The following WWOX variants were observed in gnomAD, a reference collection of about 807,000 sequenced individuals.
WWOX encodes WW domain-containing oxidoreductase.
In WWOX, 69 loss-of-function variants were observed where a neutral mutation model predicts 46.2. That is an observed-to-expected ratio of 1.49 (90% CI 1.23 to 1.82). The LOEUF is 1.82. Among genes scored for constraint, WWOX ranks in the 40% most tolerant of loss-of-function variants. The pLI is 0.00. For synonymous variants in WWOX, 359 were observed against 202.6 expected (o/e 1.77, Z -6.56); for missense variants, 919 against 542.6 (o/e 1.69, Z -6.89).
At chr16:78,156,797 G>T (rs1238732049) in intron 4 of WWOX, among the ~76,000 whole-genome samples, 2 of 152,154 alleles carry the variant, frequency 1.3e-5, no homozygotes, top group Non-Finnish European at 2.9e-5. Context: ...GGTGGCACGC[G>T]CCTGTAATCC....
At chr16:78,492,698 AT>A (rs1450449354) in intron 8 of WWOX, among the ~76,000 whole-genome samples, 3 of 152,196 alleles carry the variant, frequency 2.0e-5, no homozygotes, top group African/African-American at 7.2e-5. Flanking sequence ...TGTGCTCTGG[AT>A]AATTCTCAAT....
At chr16:78,536,985 C>T (rs549245859) in intron 8 of WWOX, among the ~76,000 whole-genome samples, 44 of 148,262 alleles carry the variant, frequency 3.0e-4, no homozygotes, top group Non-Finnish European at 5.9e-4. Flanking sequence ...GGCACAATCT[C>T]AACTGACTGC....
At chr16:79,091,657 C>G (rs1364984194) in intron 8 of WWOX, among the ~76,000 whole-genome samples, 4 of 152,246 alleles carry the variant, frequency 2.6e-5, no homozygotes, top group East Asian at 3.9e-4. Context: ...CTCCTACTGA[C>G]TCAAGGATAT....
chr16:78,138,291 GATTAAGA>G (rs2033869942), intron 4 of WWOX, among the ~76,000 whole-genome samples: 5 of 150,896 alleles, frequency 3.3e-5, no homozygotes, highest in African/African-American at 4.9e-5. Context: ...TTATTTCTCA[GATTAAGA>G]GCCATGCTAT....
intron 8 of WWOX, among the ~76,000 whole-genome samples, chr16:79,176,208 C>A (rs547531580): frequency 2.6e-4 from 39 of 152,314 alleles, no homozygotes; most frequent in African/African-American, 8.9e-4. Flanking sequence ...ATTTCTAACA[C>A]AGAAAGCAAC....
intron 8 of WWOX, among the ~76,000 whole-genome samples, chr16:78,532,799 G>A (rs192289813): frequency 6.6e-6 from 1 of 152,236 alleles, no homozygotes; most frequent in Admixed American, 6.5e-5. Flanking sequence ...GGAAAGACCT[G>A]CCTCCATGAT....
intron 8 of WWOX, among the ~76,000 whole-genome samples, chr16:78,452,475 C>CTTTTTTTTTTTTTTTT (rs397945707): frequency 7.9e-6 from 1 of 126,076 alleles, no homozygotes; most frequent in African/African-American, 3.1e-5. Flanking sequence ...CTCTCTCTCT[C>CTTTTTTTTTTTTTTTT]TTTTTTTTTT....
chr16:78,115,638 T>A (rs546356331), intron 4 of WWOX, among the ~76,000 whole-genome samples: 73 of 152,282 alleles, frequency 4.8e-4, no homozygotes, highest in Non-Finnish European at 9.4e-4. Context: ...GGAGAATGAG[T>A]TCCTGTCTTC....
chr16:78,328,336 C>T (rs1447851079), intron 5 of WWOX, among the ~76,000 whole-genome samples: 2 of 152,090 alleles, frequency 1.3e-5, no homozygotes, highest in Non-Finnish European at 2.9e-5. Context: ...ATGTTAACAC[C>T]TCACTAGGGA....
intron 8 of WWOX, among the ~76,000 whole-genome samples, chr16:79,059,614 C>T (rs1458502766): frequency 6.6e-6 from 1 of 152,216 alleles, no homozygotes; most frequent in East Asian, 1.9e-4. Context: ...CCTCAGCCTG[C>T]CTCCCAAGTA....
chr16:78,864,283 T>G (rs1206612539), intron 8 of WWOX, among the ~76,000 whole-genome samples: 1 of 151,974 alleles, frequency 6.6e-6, no homozygotes, highest in African/African-American at 2.4e-5. Context: ...TTTTTTTTTT[T>G]TGAGAGAGAA....
intron 8 of WWOX, among the ~76,000 whole-genome samples, chr16:78,775,592 C>A (rs761657992): frequency 4.6e-5 from 7 of 152,106 alleles, no homozygotes; most frequent in Non-Finnish European, 8.8e-5. Flanking sequence ...GTGTTTCACT[C>A]CCCCACCTCT....
At chr16:78,572,844 T>C (rs921271057) in intron 8 of WWOX, among the ~76,000 whole-genome samples, 2 of 152,044 alleles carry the variant, frequency 1.3e-5, no homozygotes, top group African/African-American at 2.4e-5. Flanking sequence ...AGGGGAGGTA[T>C]TGGAAAGTTC....
chr16:78,258,338 C>G (rs2038184703), intron 5 of WWOX, among the ~76,000 whole-genome samples: 1 of 152,282 alleles, frequency 6.6e-6, no homozygotes, highest in South Asian at 2.1e-4. Flanking sequence ...AGGCTATATA[C>G]ACTGAATGTA....
rs140640017 is a variant in WWOX, at chr16:78,800,551, G to A, written c.1056+367799G>A. Reference sequence around the variant, plus strand: ...ATATGGTCATAATTAGCCTGCAAACGTGAATTAATATGCAGAATCTGTCCC... The same window carrying A: ...ATATGGTCATAATTAGCCTGCAAACATGAATTAATATGCAGAATCTGTCCC... On this transcript the variant is annotated intron_variant, in intron 8 of 8. Transcript: ENST00000566780. 5.3e-5 allele frequency among the ~76,000 whole-genome samples: 8 copies of A among 152,268 alleles called. No individual in the cohort carries two copies. The East Asian group carries it at 9.7e-4, about 18-fold the overall frequency.
At chr16:78,351,696 G>T (rs893754771) in intron 5 of WWOX, among the ~76,000 whole-genome samples, 1 of 152,100 alleles carries the variant, frequency 6.6e-6, no homozygotes, top group Admixed American at 6.6e-5. Context: ...TCGGTCTCTT[G>T]CCCAGGCTGG....
At chr16:78,717,353 T>A (rs999183504) in intron 8 of WWOX, among the ~76,000 whole-genome samples, 4 of 152,218 alleles carry the variant, frequency 2.6e-5, no homozygotes, top group Non-Finnish European at 5.9e-5. Context: ...GTAATTGAAA[T>A]AATGTAATAC....
intron 8 of WWOX, among the ~76,000 whole-genome samples, chr16:78,908,540 G>GA: frequency 4.5e-5 from 1 of 22,436 alleles, no homozygotes; most frequent in Non-Finnish European, 3.2e-4. Flanking sequence ...ACTCTGTCTC[G>GA]GAAAAAAAAA....
chr16:78,996,167 A>C (rs138517083), intron 8 of WWOX: 177 of 973,498 alleles, frequency 1.8e-4, no homozygotes, highest in Non-Finnish European at 2.0e-4. Flanking sequence ...TTTTTAACGA[A>C]ACTCACATCT....
Sources: allele counts gnomAD v4.1 joint callset (sites outside exome capture counted in the v4.1 genomes callset), GRCh38; gene constraint gnomAD v4.1.1; transcripts MANE v1.5; gene names NCBI Gene and HGNC (gene_info 2026-07-23, HGNC 2026-07-21).